The following INSYN2A variants were observed in gnomAD, a reference collection of about 807,000 sequenced individuals.
INSYN2A encodes family with sequence similarity 196 member A.
In INSYN2A, 17 loss-of-function variants were observed where a neutral mutation model predicts 39.4. The ratio of observed to expected loss-of-function variants is 0.43; its 90% CI spans 0.30 to 0.65. INSYN2A has a LOEUF of 0.65. Among genes scored for constraint, INSYN2A ranks in the 30% least tolerant of loss-of-function variants. INSYN2A has a pLI of 0.14. For missense variants in INSYN2A, 595 were observed against 631.2 expected, an observed-to-expected ratio of 0.94 and a Z score of 0.61; for synonymous variants, 255 against 265.7, an observed-to-expected ratio of 0.96 and a Z score of 0.39.
chr10:127,163,380 G>A (rs2053763530), intron 4 of INSYN2A, among the ~76,000 whole-genome samples: 1 of 152,014 alleles, frequency 6.6e-6, no homozygotes, highest in African/African-American at 2.4e-5. Flanking sequence ...TAGCTATTTC[G>A]CTTTCCCTGT....
At chr10:127,162,111 C>T (rs1475037242) in intron 4 of INSYN2A, among the ~76,000 whole-genome samples, 1 of 152,186 alleles carries the variant, frequency 6.6e-6, no homozygotes, top group Non-Finnish European at 1.5e-5. Context: ...TTTCTCTTTT[C>T]TCCAGCTCTT....
chr10:127,167,820 C>T (rs2054221154), intron 4 of INSYN2A, among the ~76,000 whole-genome samples: 2 of 151,980 alleles, frequency 1.3e-5, no homozygotes, highest in African/African-American at 4.8e-5. Flanking sequence ...CCACCACCCC[C>T]CATCCCCAAA....
chr10:127,174,797 T>C (rs2133882280), intron 4 of INSYN2A, among the ~76,000 whole-genome samples: 1 of 152,358 alleles, frequency 6.6e-6, no homozygotes, highest in Non-Finnish European at 1.5e-5. Context: ...GAAATTTCCT[T>C]TCTCTTCCTA....
In INSYN2A at chr10:127,192,714, G is replaced by A. The variant is rs1371329364; in HGVS notation, c.-378C>T. On this transcript the variant is annotated 5_prime_UTR_variant, in exon 2 of 6. Coordinates refer to ENST00000522781, the MANE Select transcript of INSYN2A (RefSeq NM_001039762.3). ...TCCTTGGTTGCCTGGAGATACCTTA[G>A]TTAGTGCCTTCAGGATCTGAAACAG... The A allele has an allele frequency of 6.6e-6, 1 of 152,160 alleles. No individual in the cohort carries two copies. Among genetic ancestry groups the A allele is most frequent in the African/African-American group, 2.4e-5 (1 of 41,442 alleles). 9.4% of individuals were successfully genotyped at this position (152,160 alleles called of 1,614,324 possible).
At chr10:127,153,754 A>C (rs2052742615) in intron 5 of INSYN2A, 98 bp downstream of exon 5, 5 of 929,936 alleles carry the variant, frequency 5.4e-6, no homozygotes, top group Non-Finnish European at 8.5e-6. Flanking sequence ...TGTCTGATAG[A>C]ATCATCCCAG....
At chr10:127,163,181 A>C (rs1029607895) in intron 4 of INSYN2A, among the ~76,000 whole-genome samples, 1 of 152,150 alleles carries the variant, frequency 6.6e-6, no homozygotes, top group African/African-American at 2.4e-5. Context: ...CTGGCTGGGA[A>C]CATGTCTTTG....
At position 127,176,514 on chromosome 10, in the gene INSYN2A, G is replaced by T; in HGVS notation, c.-5-114C>A. 1 of 868,130 alleles carries T rather than the reference G, an allele frequency of 1.2e-6. No homozygotes were observed. The highest frequency in any genetic ancestry group is 1.8e-6 in the Non-Finnish European group (1 of 570,076). 53.8% of individuals were successfully genotyped at this position (868,130 alleles called of 1,614,324 possible). A position where few individuals can be genotyped will look rare whatever the true frequency, so the allele number is the denominator to read the frequency against. On this transcript the variant is annotated intron_variant, in intron 3 of 5. Coordinates refer to ENST00000522781, the MANE Select transcript of INSYN2A (RefSeq NM_001039762.3). This position sits in a 1 kb window ranked among gnomAD's most constrained non-coding sequence, Gnocchi z 4.4. Reference sequence around the variant, plus strand: ...CTGCCTGTTTCCTAATTATATTTAAGCAGGTGAGGTCGGCCTTTATGTTAA... The same window carrying T: ...CTGCCTGTTTCCTAATTATATTTAATCAGGTGAGGTCGGCCTTTATGTTAA...
chr10:127,143,302 G>A (rs1017139107), intron 5 of INSYN2A, among the ~76,000 whole-genome samples: 4 of 152,184 alleles, frequency 2.6e-5, no homozygotes, highest in African/African-American at 4.8e-5. Flanking sequence ...CTCTAGCCTC[G>A]ACAGGGCCAT....
intron 2 of INSYN2A, among the ~76,000 whole-genome samples, chr10:127,191,026 C>T (rs1305689907): frequency 1.3e-5 from 2 of 152,102 alleles, no homozygotes; most frequent in Non-Finnish European, 2.9e-5. Flanking sequence ...GACTATGCCT[C>T]CACTCTCTGA....
intron 4 of INSYN2A, among the ~76,000 whole-genome samples, chr10:127,157,957 A>G (rs1367710109): frequency 6.6e-6 from 1 of 152,242 alleles, no homozygotes; most frequent in African/African-American, 2.4e-5. Context: ...AAATTTTATT[A>G]AGCACGAGAG....
Position 127,175,470 on chromosome 10 carries a change from G to A in INSYN2A, c.926C>T (p.Pro309Leu), listed in dbSNP as rs1372556959. 6 of 1,609,924 alleles carry A rather than the reference G, an allele frequency of 3.7e-6. No individual in the cohort carries two copies. The highest frequency in any genetic ancestry group is 2.2e-5 in the South Asian group (2 of 91,078). The part of the protein sequence containing the change: ...APSETALACS[P>L]PMQCLSPECS... ...TTCGGGGGACAGGCACTGCATCGGG[G>A]GTGAGCAGGCCAGGGCAGTTTCCGA... Residue 309 changes from proline (P) to leucine (L), a missense_variant, in exon 4 of 6, where the codon CCC (proline) becomes CTC (leucine). Physicochemically the swap from Pro to Leu is moderately conservative, Grantham distance 98. This residue lies in a region of INSYN2A where 478 missense variants were observed against 467.4 expected (regional missense o/e 1.02). Transcript: ENST00000522781. This position sits in a 1 kb window ranked among gnomAD's most constrained non-coding sequence, Gnocchi z 6.3.
chr10:127,172,477 T>G (rs532211653), intron 4 of INSYN2A, among the ~76,000 whole-genome samples: 43 of 152,312 alleles, frequency 2.8e-4, no homozygotes, highest in Non-Finnish European at 5.9e-4. Context: ...TCTGCCTGTC[T>G]CTGAGGCTGC....
At chr10:127,172,390 T>C (rs2054655826) in intron 4 of INSYN2A, among the ~76,000 whole-genome samples, 1 of 152,202 alleles carries the variant, frequency 6.6e-6, no homozygotes, top group Non-Finnish European at 1.5e-5. Context: ...TGGCTGCCAC[T>C]GCTCACAGCT....
chr10:127,181,866 C>T (rs2055767976), intron 2 of INSYN2A, among the ~76,000 whole-genome samples: 1 of 152,212 alleles, frequency 6.6e-6, no homozygotes. Context: ...ACTGGAAGTC[C>T]TCTTTTCCTT....
chr10:127,186,495 A>C (rs2056243023), intron 2 of INSYN2A, among the ~76,000 whole-genome samples: 2 of 99,288 alleles, frequency 2.0e-5, no homozygotes, highest in African/African-American at 7.6e-5. Context: ...TGATAACAGC[A>C]TGGGAGAAAC....
At chr10:127,177,327 A>G (rs2055255026) in intron 2 of INSYN2A, among the ~76,000 whole-genome samples, 188 bp from the exon 3 acceptor site, 1 of 152,192 alleles carries the variant, frequency 6.6e-6, no homozygotes, top group South Asian at 2.1e-4. Flanking sequence ...AGCTAAAAAG[A>G]TGCAGGTGGC....
intron 5 of INSYN2A, 133 bp from the exon 6 acceptor site, chr10:127,138,153 G>A (rs1008350553): frequency 2.4e-5 from 18 of 759,170 alleles, no homozygotes; most frequent in East Asian, 5.1e-5. Context: ...ATAGCAATTC[G>A]ATATACTATG....
Position 127,175,402 on chromosome 10 carries a change from C to T in INSYN2A, c.994G>A (p.Gly332Arg). The change falls in exon 4 of 6, where the codon GGG becomes AGG. Residue 332 changes from glycine (G) to arginine (R), a missense_variant. By Grantham distance (125) the Gly-to-Arg change is moderately radical. Around this residue, in one of 2 missense-constraint regions of INSYN2A, gnomAD observed 478 missense variants for 467.4 expected, o/e 1.02. Coordinates refer to ENST00000522781, the MANE Select transcript of INSYN2A (RefSeq NM_001039762.3). The surrounding 1 kb of genome is among the most constrained non-coding windows in gnomAD (Gnocchi z 6.3). ...PSQTHTPPGL[G>R]NQPSPTAVAA... is the part of the protein sequence containing the mutation. ...ACCGCTGTGGGACTAGGCTGGTTCC[C>T]CAGCCCCGGCGGGGTGTGAGTCTGC... The T allele has an allele frequency of 3.1e-6, 5 of 1,613,640 alleles. No individual in the cohort carries two copies. The highest frequency in any genetic ancestry group is 4.2e-6 in the Non-Finnish European group (5 of 1,180,044).
chr10:127,157,161 T>C (rs1264549182), intron 4 of INSYN2A, among the ~76,000 whole-genome samples: 2 of 152,204 alleles, frequency 1.3e-5, no homozygotes, highest in South Asian at 2.1e-4. Flanking sequence ...AGTATTTTGG[T>C]CTAGAATGAA....
Sources: allele counts gnomAD v4.1 joint callset (sites outside exome capture counted in the v4.1 genomes callset), GRCh38; gene constraint gnomAD v4.1.1; regional missense constraint gnomAD v4.1.1; non-coding constraint Gnocchi (gnomAD v3.1); transcripts MANE v1.5; gene names NCBI Gene and HGNC (gene_info 2026-07-23, HGNC 2026-07-21).